The following DLGAP4 variants were observed in gnomAD, a reference collection of about 807,000 sequenced individuals.
The protein encoded by DLGAP4 is disks large-associated protein 4.
A neutral mutation model predicts 86.9 loss-of-function variants in DLGAP4; 18 were observed. That is an observed-to-expected ratio of 0.21 (90% confidence interval 0.14 to 0.31). DLGAP4 has a LOEUF of 0.31. Among genes scored for constraint, DLGAP4 ranks in the 10% least tolerant of loss-of-function variants. The pLI is 1.00. For synonymous variants in DLGAP4, 548 were observed against 574.3 expected (o/e 0.95, Z 0.65); for missense variants, 1,085 against 1,362.6 (o/e 0.80, Z 3.21).
intron 2 of DLGAP4, among the ~76,000 whole-genome samples, chr20:36,375,610 G>C (rs1240598867): frequency 1.3e-5 from 2 of 152,178 alleles, no homozygotes; most frequent in Non-Finnish European, 2.9e-5. Flanking sequence ...GATATGAGAG[G>C]TAAGTGCTGA....
In DLGAP4 at chr20:36,437,286, G is replaced by T. The variant is rs530416973; in HGVS notation, c.1241+936G>T. Among the ~76,000 whole-genome samples, 30 of 152,268 alleles carry T rather than the reference G, an allele frequency of 2.0e-4. No homozygotes were observed. In the East Asian group the frequency reaches 2.3e-3, roughly 12 times the overall value. On this transcript the variant is annotated intron_variant, in intron 4 of 12. Coordinates refer to ENST00000339266, the MANE Select transcript of DLGAP4 (RefSeq NM_001365621.2). ...TGACCACAGGTGAGCTGCATCCTTT[G>T]GTAAACCCCGATCATGAAAGCCACA...
intron 7 of DLGAP4, chr20:36,462,323 G>C: frequency 7.4e-7 from 1 of 1,351,356 alleles, no homozygotes. Flanking sequence ...CACTTCTCGG[G>C]ATCGGGGTCC....
At chr20:36,490,203 C>A (rs532450198) in intron 7 of DLGAP4, among the ~76,000 whole-genome samples, 136 of 152,180 alleles carry the variant, frequency 8.9e-4, no homozygotes, top group Non-Finnish European at 1.6e-3. Flanking sequence ...GGCTCTCCGA[C>A]TGAAACAGTG....
intron 8 of DLGAP4, chr20:36,499,003 C>T (rs1010371253): frequency 1.7e-5 from 9 of 519,434 alleles, no homozygotes; most frequent in Admixed American, 3.5e-5. Context: ...CCAGGGACTT[C>T]GGTGGCTCCT....
At chr20:36,332,885 A>G (rs148676736) in intron 1 of DLGAP4, among the ~76,000 whole-genome samples, 136 of 152,210 alleles carry the variant, frequency 8.9e-4, no homozygotes, top group African/African-American at 3.1e-3. Flanking sequence ...TAGCATCTCA[A>G]AGAACACTCT....
At chr20:36,436,926 A>G (rs923577967) in intron 4 of DLGAP4, among the ~76,000 whole-genome samples, 5 of 151,820 alleles carry the variant, frequency 3.3e-5, no homozygotes, top group African/African-American at 1.2e-4. Flanking sequence ...TGAGCCCTCC[A>G]GGGGAAAACC....
intron 2 of DLGAP4, among the ~76,000 whole-genome samples, chr20:36,378,096 C>T (rs781088112): frequency 2.0e-5 from 3 of 152,146 alleles, no homozygotes; most frequent in Non-Finnish European, 4.4e-5. Flanking sequence ...GCCTTTCACT[C>T]AGAGGCAGCA....
intron 11 of DLGAP4, among the ~76,000 whole-genome samples, chr20:36,525,056 A>C (rs976382576): frequency 1.3e-5 from 2 of 149,268 alleles, no homozygotes; most frequent in Admixed American, 6.7e-5. Context: ...TTCTGTACTA[A>C]AAAGACAAAA....
At chr20:36,447,909 G>GA (rs1220005282) in intron 7 of DLGAP4, among the ~76,000 whole-genome samples, 1 of 126,642 alleles carries the variant, frequency 7.9e-6, no homozygotes, top group South Asian at 3.3e-4. Context: ...GGTGGGGGGG[G>GA]GGGAGACAAG....
At chr20:36,307,103 C>A (rs2065010330) in intron 1 of DLGAP4, among the ~76,000 whole-genome samples, 1 of 152,050 alleles carries the variant, frequency 6.6e-6, no homozygotes, top group African/African-American at 2.4e-5. Flanking sequence ...GGGGAGGGGG[C>A]GGGGGCAGCA....
chr20:36,527,084 A>T lies in DLGAP4; in HGVS notation c.*53A>T. 1.3e-6 allele frequency: 2 copies of T among 1,507,350 alleles called. No homozygotes were observed. Among genetic ancestry groups the T allele is most frequent in the East Asian group, 2.3e-5 (1 of 43,552 alleles). The allele number at this position is 1,507,350 out of a possible 1,614,324, so 93.4% of individuals were successfully genotyped here. A position where few individuals can be genotyped will look rare whatever the true frequency, so the allele number is the denominator to read the frequency against. ...TAAATCATTAAAAACACAAAAACTA[A>T]GTGCGAACGGAACAGAGTTTTCTCA... On this transcript the variant is annotated 3_prime_UTR_variant, in exon 13 of 13. Transcript: ENST00000339266.
intron 7 of DLGAP4, among the ~76,000 whole-genome samples, chr20:36,489,890 G>C (rs1600638963): frequency 8.9e-6 from 1 of 112,838 alleles, no homozygotes; most frequent in Non-Finnish European, 1.7e-5. Flanking sequence ...ATGGAGTCTT[G>C]CTCTGTCACC....
At chr20:36,396,092 G>A (rs1414671012) in intron 2 of DLGAP4, among the ~76,000 whole-genome samples, 1 of 151,890 alleles carries the variant, frequency 6.6e-6, no homozygotes, top group Non-Finnish European at 1.5e-5. Flanking sequence ...TCATGGCAGT[G>A]GGGACTCTCG....
chr20:36,515,736 G>A (rs1282786860), intron 10 of DLGAP4, among the ~76,000 whole-genome samples: 1 of 152,098 alleles, frequency 6.6e-6, no homozygotes, highest in African/African-American at 2.4e-5. Flanking sequence ...CCTTTTCTGA[G>A]GTGCCTTTTT....
intron 1 of DLGAP4, among the ~76,000 whole-genome samples, chr20:36,316,206 C>T (rs900580478): frequency 6.6e-6 from 1 of 152,108 alleles, no homozygotes; most frequent in Non-Finnish European, 1.5e-5. Context: ...CCTGCTGGTG[C>T]GTCCTCCACG....
At chr20:36,417,649 G>T (rs1318440861) in intron 2 of DLGAP4, among the ~76,000 whole-genome samples, 12 of 152,138 alleles carry the variant, frequency 7.9e-5, no homozygotes, top group Admixed American at 7.9e-4. Flanking sequence ...CTCCCAAAGT[G>T]CTGGGATTAT....
At chr20:36,398,198 G>A (rs2032055614) in intron 2 of DLGAP4, among the ~76,000 whole-genome samples, 1 of 152,190 alleles carries the variant, frequency 6.6e-6, no homozygotes, top group Non-Finnish European at 1.5e-5. Flanking sequence ...TGTTCTTGAT[G>A]TCCAGTGACA....
At chr20:36,455,339 C>G (rs1208692059) in intron 7 of DLGAP4, among the ~76,000 whole-genome samples, 1 of 152,154 alleles carries the variant, frequency 6.6e-6, no homozygotes, top group Non-Finnish European at 1.5e-5. Flanking sequence ...CTTTCTGTGT[C>G]TCTCCCACTC....
intron 1 of DLGAP4, among the ~76,000 whole-genome samples, chr20:36,362,902 A>T (rs2030567298): frequency 6.6e-6 from 1 of 152,154 alleles, no homozygotes; most frequent in Admixed American, 6.5e-5. Context: ...CCACCATATG[A>T]AGAAGGCTCT....
Sources: allele counts gnomAD v4.1 joint callset (sites outside exome capture counted in the v4.1 genomes callset), GRCh38; gene constraint gnomAD v4.1.1; transcripts MANE v1.5; gene names NCBI Gene and HGNC (gene_info 2026-07-23, HGNC 2026-07-21).